The following CHCHD3 variants were observed in gnomAD, a reference collection of about 807,000 sequenced individuals.
CHCHD3 encodes MICOS complex subunit MIC19.
Under a neutral mutation model 38.2 loss-of-function variants are expected in CHCHD3, and 20 were observed. The ratio of observed to expected loss-of-function variants is 0.52; its 90% confidence interval spans 0.37 to 0.76. The LOEUF (loss-of-function observed/expected upper bound fraction) is 0.76. CHCHD3 is among the 30% of genes least tolerant of loss of function. The pLI is 0.00. For synonymous variants in CHCHD3, 82 were observed against 100.0 expected (o/e 0.82, Z 1.07); for missense variants, 245 against 279.2 (o/e 0.88, Z 0.87).
intron 3 of CHCHD3, among the ~76,000 whole-genome samples, chr7:132,975,770 A>C (rs184143640): frequency 6.6e-6 from 1 of 152,248 alleles, no homozygotes; most frequent in East Asian, 1.9e-4. Context: ...GTCTCTACTA[A>C]AAATACAAAA....
intron 6 of CHCHD3, chr7:132,813,427 G>T (rs1026405238): frequency 4.6e-5 from 7 of 152,140 alleles, no homozygotes; most frequent in African/African-American, 1.4e-4. Flanking sequence ...CTTCTTACTT[G>T]CAGTGGAAGC....
Position 133,010,586 on chromosome 7 carries a change from CTTTTA to C in CHCHD3, c.251+13955_251+13959del, listed in dbSNP as rs540215886. 2.0e-3 allele frequency among the ~76,000 whole-genome samples: 308 copies of C among 152,150 alleles called. 3 individuals are homozygous for C. Among genetic ancestry groups the C allele is most frequent in the African/African-American group, 7.2e-3 (301 of 41,528 alleles). On this transcript the variant is annotated intron_variant, in intron 3 of 7. Coordinates refer to ENST00000262570, the MANE Select transcript of CHCHD3 (RefSeq NM_017812.4). ...AATGAATTTTGCCCTCATAGACTTT[CTTTTA>C]TTTTGAGACAGGGTCTCACTCTTGT...
At chr7:132,843,490 T>C (rs906799301) in intron 5 of CHCHD3, among the ~76,000 whole-genome samples, 2 of 152,222 alleles carry the variant, frequency 1.3e-5, no homozygotes, top group African/African-American at 4.8e-5. Context: ...CCACTTTTCA[T>C]AATTAAATAT....
intron 4 of CHCHD3, among the ~76,000 whole-genome samples, chr7:132,974,322 CA>C (rs1003163067): frequency 1.3e-5 from 2 of 152,054 alleles, no homozygotes; most frequent in African/African-American, 4.8e-5. Context: ...AAGACAACAA[CA>C]AAAACATGTC....
chr7:133,075,739 G>A (rs1814968659), intron 1 of CHCHD3, among the ~76,000 whole-genome samples: 1 of 152,180 alleles, frequency 6.6e-6, no homozygotes, highest in African/African-American at 2.4e-5. Flanking sequence ...TACAACACAA[G>A]CTTCTGCGAT....
chr7:132,958,575 C>G (rs140972358), intron 4 of CHCHD3, among the ~76,000 whole-genome samples: 2 of 152,118 alleles, frequency 1.3e-5, no homozygotes, highest in Non-Finnish European at 2.9e-5. Context: ...TCTGGAGATA[C>G]ATTTGTTACT....
chr7:132,883,364 A>G (rs1809120604), intron 5 of CHCHD3, among the ~76,000 whole-genome samples: 1 of 152,216 alleles, frequency 6.6e-6, no homozygotes, highest in Non-Finnish European at 1.5e-5. Context: ...ATCACTTAAT[A>G]TATGAAACAA....
intron 3 of CHCHD3, among the ~76,000 whole-genome samples, chr7:132,986,565 A>G (rs1256028164): frequency 1.3e-5 from 2 of 152,230 alleles, no homozygotes; most frequent in Admixed American, 6.5e-5. Context: ...ATTTAATACC[A>G]GCAAAGGATG....
At chr7:132,892,988 G>A (rs541565918) in intron 4 of CHCHD3, among the ~76,000 whole-genome samples, 152 of 152,322 alleles carry the variant, frequency 1.0e-3, no homozygotes, top group South Asian at 5.4e-3. Context: ...ATGGGGGGTT[G>A]GAGCCCCCAC....
At chr7:132,985,107 A>T (rs1431781341) in intron 3 of CHCHD3, among the ~76,000 whole-genome samples, 1 of 66,088 alleles carries the variant, frequency 1.5e-5, no homozygotes, top group African/African-American at 5.8e-5. Context: ...CAGCCGCCCC[A>T]TCCGGGAGGT....
At chr7:132,906,451 T>C (rs1809807519) in intron 4 of CHCHD3, among the ~76,000 whole-genome samples, 1 of 152,152 alleles carries the variant, frequency 6.6e-6, no homozygotes, top group African/African-American at 2.4e-5. Flanking sequence ...AGATGAGCAT[T>C]GAGTACCATT....
At chr7:132,824,589 C>G (rs369166581) in intron 6 of CHCHD3, among the ~76,000 whole-genome samples, 1 of 152,196 alleles carries the variant, frequency 6.6e-6, no homozygotes, top group African/African-American at 2.4e-5. Context: ...GCTGGGATTA[C>G]AGGCATGAGC....
intron 4 of CHCHD3, among the ~76,000 whole-genome samples, chr7:132,886,149 C>T (rs1471422765): frequency 6.6e-6 from 1 of 151,992 alleles, no homozygotes; most frequent in African/African-American, 2.4e-5. Flanking sequence ...ACATTTTGTA[C>T]ATAAATCTTG....
intron 4 of CHCHD3, among the ~76,000 whole-genome samples, chr7:132,945,153 G>C (rs576432646): frequency 2.0e-5 from 3 of 151,892 alleles, no homozygotes; most frequent in East Asian, 3.9e-4. Flanking sequence ...ATTTTAATCT[G>C]TTCCTGACAT....
At chr7:132,983,685 T>C (rs1325814649) in intron 3 of CHCHD3, among the ~76,000 whole-genome samples, 2 of 152,138 alleles carry the variant, frequency 1.3e-5, no homozygotes, top group African/African-American at 4.8e-5. Flanking sequence ...CCATACAAAG[T>C]GTCACTAGTG....
In CHCHD3 at chr7:132,862,703, C is replaced by A. The variant is rs1808527321; in HGVS notation, c.453+22959G>T. On this transcript the variant is annotated intron_variant, in intron 5 of 7. Transcript: ENST00000262570. ...ATAGAGTAAAACTTCTTTCAAAATT[C>A]AAAATTATCTCAAACTCTGCTGCTG... 1.3e-5 allele frequency among the ~76,000 whole-genome samples: 2 copies of A among 152,170 alleles called. 1 individual carries two copies. The highest frequency in any genetic ancestry group is 4.1e-4 in the South Asian group (2 of 4,822).
chr7:133,034,508 C>CTT (rs146912120), intron 2 of CHCHD3: 6,271 of 284,422 alleles, frequency 0.022, 1,248 homozygotes, highest in South Asian at 0.033. Flanking sequence ...TGGATCCAGT[C>CTT]TTTTTTTTTT....
chr7:132,839,815 T>C (rs1015883840), intron 5 of CHCHD3, among the ~76,000 whole-genome samples: 3 of 152,178 alleles, frequency 2.0e-5, no homozygotes, highest in African/African-American at 7.2e-5. Context: ...CAGGTCACCA[T>C]TTGAGATGAT....
chr7:132,828,197 AT>A (rs1226314612), intron 6 of CHCHD3, among the ~76,000 whole-genome samples: 2 of 151,908 alleles, frequency 1.3e-5, no homozygotes, highest in East Asian at 3.9e-4. Context: ...AACTGCCAAC[AT>A]TTTTTTTCAA....
Sources: gnomAD v4.1 joint callset for allele counts (sites outside exome capture counted in the v4.1 genomes callset) on GRCh38, gnomAD v4.1.1 for gene constraint, MANE v1.5 for transcripts, NCBI Gene and HGNC (gene_info 2026-07-23, HGNC 2026-07-21) for gene names.